Variants in PTPRS observed in about 807,000 individuals in gnomAD.
PTPRS encodes the protein receptor-type tyrosine-protein phosphatase S.
In PTPRS, 63 loss-of-function variants were observed where a neutral mutation model predicts 215.3. The observed-to-expected ratio is 0.29, with a 90% CI of 0.24 to 0.36. The LOEUF is 0.36. Among genes scored for constraint, PTPRS ranks in the 10% least tolerant of loss-of-function variants. PTPRS has a pLI of 1.00. For synonymous variants in PTPRS, 1,404 were observed against 1,191.4 expected (o/e 1.18, Z -3.68); for missense variants, 2,258 against 2,825.8 (o/e 0.80, Z 4.56).
At chr19:5,219,823 A>G (rs1413002799) in intron 22 of PTPRS, 116 bp downstream of exon 22, 1 of 1,213,310 alleles carries the variant, frequency 8.2e-7, no homozygotes, top group Non-Finnish European at 1.2e-6. Context: ...CCCTCTGCCC[A>G]GCTCTGACCA....
At chr19:5,251,410 T>C (rs2045052963) in intron 9 of PTPRS, among the ~76,000 whole-genome samples, 1 of 150,676 alleles carries the variant, frequency 6.6e-6, no homozygotes, top group Non-Finnish European at 1.5e-5. Context: ...GAGCTGGACC[T>C]TTGGATGCGC....
chr19:5,250,224 G>C (rs1283703085), intron 9 of PTPRS, among the ~76,000 whole-genome samples: 6 of 152,202 alleles, frequency 3.9e-5, no homozygotes, highest in Non-Finnish European at 7.3e-5. Flanking sequence ...TCTAGGAAGA[G>C]GGCTGGTTTG....
chr19:5,223,415 G>GT, intron 17 of PTPRS, 118 bp from the exon 18 acceptor site: 3 of 1,248,530 alleles, frequency 2.4e-6, no homozygotes, highest in Non-Finnish European at 3.1e-6. Context: ...GAGTTGGGGG[G>GT]GGTCTTACTC....
chr19:5,229,721 C>A, intron 14 of PTPRS, 37 bp from the exon 15 acceptor site: 1 of 1,208,702 alleles, frequency 8.3e-7, no homozygotes, highest in South Asian at 3.5e-5. Flanking sequence ...GCGGGCGGAG[C>A]CGTTACCAGG....
At chr19:5,311,279 G>C (rs1287781588) in intron 1 of PTPRS, among the ~76,000 whole-genome samples, 1 of 152,104 alleles carries the variant, frequency 6.6e-6, no homozygotes, top group Non-Finnish European at 1.5e-5. Flanking sequence ...TAAAGTGCTG[G>C]GATTATAGGC....
chr19:5,206,246 C>A lies in PTPRS; in HGVS notation c.*528G>T. 5.0e-6 allele frequency: 1 copy of A among 200,624 alleles called. No homozygotes were observed. The allele number at this position is 200,624 out of a possible 1,614,324, so 12.4% of individuals were successfully genotyped here. ...TGACTGGCGAGTCTTTTGTTTGTTT[C>A]TCTTAAAAAAAAAAATGGAAAAAAA... On this transcript the variant is annotated 3_prime_UTR_variant, in exon 38 of 38. Transcript: ENST00000262963.
intron 1 of PTPRS, among the ~76,000 whole-genome samples, chr19:5,332,381 G>A (rs1393532868): frequency 2.6e-5 from 4 of 152,150 alleles, no homozygotes; most frequent in African/African-American, 9.7e-5. Context: ...GCCTGCCTTG[G>A]TCTCCCAAAG....
chr19:5,239,157 G>A (rs551583803), intron 12 of PTPRS, 94 bp from the exon 13 acceptor site: 2 of 732,106 alleles, frequency 2.7e-6, no homozygotes, highest in South Asian at 1.6e-5. Context: ...AAACAGAGGG[G>A]GGAGGGGGAG....
chr19:5,298,284 C>T (rs2049200750), intron 1 of PTPRS, among the ~76,000 whole-genome samples: 1 of 152,208 alleles, frequency 6.6e-6, no homozygotes, highest in African/African-American at 2.4e-5. Context: ...CCTTCGTCTC[C>T]TGAAGAAACT....
At chr19:5,303,865 C>T (rs902746675) in intron 1 of PTPRS, among the ~76,000 whole-genome samples, 7 of 149,548 alleles carry the variant, frequency 4.7e-5, no homozygotes. Flanking sequence ...ACAGGAGAAT[C>T]GCTTGAACCC....
Position 5,206,778 on chromosome 19 carries a change from G to A in PTPRS, c.5843C>T (p.Thr1948Ile). The change falls in exon 38 of 38, where the codon ACC (threonine) becomes ATC (isoleucine). Residue 1948 changes from threonine to isoleucine, a missense_variant. Thr to Ile is a moderately conservative substitution (Grantham distance 89, BLOSUM62 -1). Transcript: ENST00000262963. ...EYLGSFDHYAT is the reference protein window; with the variant it reads ...EYLGSFDHYAI The stretch of plus-strand genomic sequence containing the variant: ...GGCCTGGGGGGAACCATGGCTTTAG[G>A]TTGCATAGTGGTCAAAGCTTCCGAG... 6.2e-7 allele frequency: 1 copy of A among 1,613,878 alleles called. No individual in the cohort carries two copies. Among genetic ancestry groups the A allele is most frequent in the Non-Finnish European group, 8.5e-7 (1 of 1,179,778 alleles).
chr19:5,337,191 C>T (rs1364717236), intron 1 of PTPRS, among the ~76,000 whole-genome samples: 2 of 152,222 alleles, frequency 1.3e-5, no homozygotes, highest in East Asian at 1.9e-4. Context: ...AAACATTAAG[C>T]TTTGTCAATT....
chr19:5,214,749 C>T lies in PTPRS; in HGVS notation c.4319-13G>A, dbSNP rs200840104. ...CTGCCCATGATGCCTGCAGCCAGGG[C>T]GAGAGGCCAGGGATCTGTGGGGGCT... On this transcript the variant is annotated splice_polypyrimidine_tract_variant and intron_variant, in intron 28 of 37. Coordinates refer to ENST00000262963, the MANE Select transcript of PTPRS (RefSeq NM_002850.4). 2.6e-4 allele frequency: 416 copies of T among 1,590,560 alleles called. 5 individuals carry two copies. In the South Asian group the frequency reaches 3.7e-3, roughly 14 times the overall value.
At chr19:5,211,528 C>T (rs139609579) in intron 33 of PTPRS, 62 bp downstream of exon 33, 15 of 1,522,044 alleles carry the variant, frequency 9.9e-6, no homozygotes, top group East Asian at 2.3e-5. Context: ...AGACTGGAGG[C>T]CTCTTGAGAG....
Position 5,291,408 on chromosome 19 carries a change from C to A in PTPRS, c.-94-5174G>T, listed in dbSNP as rs548851334. ...TCTCAGTCGAGCCCAGAGTCCACAT[C>A]CTCTGGGCGCCCAGGCTGCCAAAAT... On this transcript the variant is annotated intron_variant, in intron 1 of 37. Transcript: ENST00000262963. Among the ~76,000 whole-genome samples the A allele has an allele frequency of 3.3e-5, 5 of 152,214 alleles. No individual in the cohort carries two copies. In the East Asian group the frequency reaches 9.7e-4, roughly 29 times the overall value.
At chr19:5,243,802 C>A (rs903751289) in intron 11 of PTPRS, 99 bp downstream of exon 11, 2 of 1,052,156 alleles carry the variant, frequency 1.9e-6, no homozygotes, top group Admixed American at 6.4e-5. Context: ...TCTTAAAGCA[C>A]CGTGCATAAC....
rs201245953 is a variant in PTPRS, at chr19:5,303,941, ACT to A, written c.-94-17709_-94-17708del. ...ACTCCAGCCTGGGTGACACAGCGAG[ACT>A]CTGTCTCAAAAAATAATAATAACAA... On this transcript the variant is annotated intron_variant, in intron 1 of 37. Transcript: ENST00000262963. Among the ~76,000 whole-genome samples the A allele has an allele frequency of 1.0e-3, 155 of 148,942 alleles. 3 individuals are homozygous for A. The highest frequency in any genetic ancestry group is 8.0e-3 in the Admixed American group (119 of 14,958).
At chr19:5,289,734 T>C (rs1044630876) in intron 1 of PTPRS, among the ~76,000 whole-genome samples, 19 of 152,186 alleles carry the variant, frequency 1.2e-4, no homozygotes, top group African/African-American at 4.3e-4. Context: ...TGAATGGGAA[T>C]TGGGGGCAAG....
At chr19:5,290,062 T>C (rs747098103) in intron 1 of PTPRS, among the ~76,000 whole-genome samples, 1 of 152,196 alleles carries the variant, frequency 6.6e-6, no homozygotes, top group Non-Finnish European at 1.5e-5. Flanking sequence ...TGGCAGCCCA[T>C]GGTGGCCAGC....
Sources: gnomAD v4.1 joint callset for allele counts (sites outside exome capture counted in the v4.1 genomes callset) on GRCh38, gnomAD v4.1.1 for gene constraint, MANE v1.5 for transcripts, NCBI Gene and HGNC (gene_info 2026-07-23, HGNC 2026-07-21) for gene names.